PCSK6: variants seen among roughly 807,000 people sequenced by gnomAD.
PCSK6 encodes the protein proprotein convertase subtilisin/kexin type 6.
Under a neutral mutation model 123.3 loss-of-function variants are expected in PCSK6, and 85 were observed. The ratio of observed to expected loss-of-function variants is 0.69; its 90% CI spans 0.58 to 0.83. The LOEUF (loss-of-function observed/expected upper bound fraction) is 0.83. Among genes scored for constraint, PCSK6 ranks in the 40% least tolerant of loss-of-function variants. The probability of loss-of-function intolerance (pLI) is 0.00; values close to 1 mark genes in which losing one functional copy is unlikely to be tolerated. For missense variants in PCSK6, 1,191 were observed against 1,282.3 expected (o/e 0.93, Z 1.09); for synonymous variants, 508 against 516.0 (o/e 0.98, Z 0.21).
intron 1 of PCSK6, among the ~76,000 whole-genome samples, chr15:101,479,321 T>C (rs2057810149): frequency 6.6e-6 from 1 of 152,184 alleles, no homozygotes. Context: ...GTCCTGAATG[T>C]CAAAGGCCCG....
intron 13 of PCSK6, among the ~76,000 whole-genome samples, chr15:101,345,481 C>G (rs557406425): frequency 1.1e-4 from 17 of 152,056 alleles, no homozygotes; most frequent in African/African-American, 4.1e-4. Context: ...TATCAAAACT[C>G]TGGAGGGGAA....
chr15:101,343,894 C>G (rs963155539), intron 13 of PCSK6, among the ~76,000 whole-genome samples: 1 of 152,112 alleles, frequency 6.6e-6, no homozygotes, highest in African/African-American at 2.4e-5. Context: ...TCGAGACCAG[C>G]CTGGCCAACA....
At chr15:101,446,453 G>A (rs528274344) in intron 1 of PCSK6, among the ~76,000 whole-genome samples, 1 of 152,330 alleles carries the variant, frequency 6.6e-6, no homozygotes, top group East Asian at 1.9e-4. Flanking sequence ...ATGCTGCTGT[G>A]TACAAATATC....
chr15:101,433,679 A>G (rs1433356691), intron 2 of PCSK6, among the ~76,000 whole-genome samples: 1 of 152,248 alleles, frequency 6.6e-6, no homozygotes, highest in Admixed American at 6.5e-5. Context: ...GCTGGAAGCT[A>G]GAACAGAGCT....
intron 1 of PCSK6, among the ~76,000 whole-genome samples, chr15:101,489,138 G>A (rs1378346385): frequency 6.8e-6 from 1 of 146,208 alleles, no homozygotes; most frequent in East Asian, 2.0e-4. Context: ...GACCTGCGTG[G>A]GCGCCCACGC....
intron 15 of PCSK6, among the ~76,000 whole-genome samples, chr15:101,328,634 T>TC (rs2141366390): frequency 6.6e-6 from 1 of 152,224 alleles, no homozygotes; most frequent in East Asian, 1.9e-4. Context: ...TTCCTGGGTC[T>TC]CTCTGCAGTG....
chr15:101,323,301 G>A (rs2040173354), intron 17 of PCSK6, among the ~76,000 whole-genome samples: 1 of 152,236 alleles, frequency 6.6e-6, no homozygotes, highest in Admixed American at 6.5e-5. Context: ...GGTGAAGAAG[G>A]GCGGCCAACT....
At chr15:101,362,221 G>A (rs1231769335) in intron 13 of PCSK6, among the ~76,000 whole-genome samples, 1 of 152,150 alleles carries the variant, frequency 6.6e-6, no homozygotes, top group Middle Eastern at 3.2e-3. Flanking sequence ...CTCCCAAAGT[G>A]CTGGAATTAC....
intron 1 of PCSK6, among the ~76,000 whole-genome samples, chr15:101,450,267 G>A (rs1037220535): frequency 5.9e-5 from 9 of 151,622 alleles, no homozygotes; most frequent in Admixed American, 3.3e-4. Flanking sequence ...GAGAATACAC[G>A]ACCAGCCAGG....
chr15:101,479,579 C>A (rs762137641), intron 1 of PCSK6, among the ~76,000 whole-genome samples: 1 of 152,138 alleles, frequency 6.6e-6, no homozygotes, highest in Non-Finnish European at 1.5e-5. Flanking sequence ...GGGCTGTGGT[C>A]GGTGCATGCA....
intron 2 of PCSK6, among the ~76,000 whole-genome samples, chr15:101,438,129 C>T (rs562750785): frequency 1.3e-5 from 2 of 152,310 alleles, no homozygotes; most frequent in East Asian, 1.9e-4. Flanking sequence ...TGAGACAATA[C>T]GGTTCTGCGG....
chr15:101,439,733 C>T (rs565841028), intron 2 of PCSK6, among the ~76,000 whole-genome samples: 8 of 152,334 alleles, frequency 5.3e-5, no homozygotes, highest in Non-Finnish European at 7.3e-5. Flanking sequence ...GAAGGAAACC[C>T]GAGCTTTGAT....
rs532551449 is a variant in PCSK6, at chr15:101,387,664, G to A, written c.1310+1800C>T. Among the ~76,000 whole-genome samples the A allele has an allele frequency of 9.5e-4, 26 of 27,330 alleles. No homozygotes were observed. The South Asian group carries it at 0.025, about 26-fold the overall frequency. 17.9% of individuals were successfully genotyped at this position (27,330 alleles called of 152,430 possible). On this transcript the variant is annotated intron_variant, in intron 9 of 21. Coordinates refer to ENST00000611716, the MANE Select transcript of PCSK6 (RefSeq NM_002570.5). ...GACTCCCTTTAGAGAATTCCAACAC[G>A]TATGGGTTTTCCTTCATTCTGGCCC...
chr15:101,396,098 C>T (rs532710133), intron 7 of PCSK6, among the ~76,000 whole-genome samples: 6 of 152,200 alleles, frequency 3.9e-5, no homozygotes, highest in African/African-American at 1.2e-4. Context: ...AGTGACAGAT[C>T]GAGACAGTTG....
At chr15:101,310,995 C>T (rs540815331) in intron 20 of PCSK6, among the ~76,000 whole-genome samples, 5 of 152,100 alleles carry the variant, frequency 3.3e-5, no homozygotes, top group Admixed American at 3.3e-4. Flanking sequence ...GAGGTGGGGC[C>T]TGGTGGGAGG....
intron 2 of PCSK6, among the ~76,000 whole-genome samples, chr15:101,436,628 G>A (rs1020197776): frequency 2.0e-5 from 3 of 152,138 alleles, no homozygotes; most frequent in Admixed American, 6.5e-5. Context: ...TCAGGGCACC[G>A]TAGAAAATAA....
rs761374461 is a variant in PCSK6, at chr15:101,325,090, C to T, written c.2181-44G>A. 1.2e-5 allele frequency: 17 copies of T among 1,441,830 alleles called. No homozygotes were observed. In the South Asian group the frequency reaches 1.9e-4, roughly 16 times the overall value. 89.3% of individuals were successfully genotyped at this position (1,441,830 alleles called of 1,614,324 possible). Reference sequence around the variant, plus strand: ...GAGGGTGAGGGCCTTGCCAACCCAGCCCCAGCCCCAGGCCTGCCCCTTTGT... The same window carrying T: ...GAGGGTGAGGGCCTTGCCAACCCAGTCCCAGCCCCAGGCCTGCCCCTTTGT... On this transcript the variant is annotated intron_variant, in intron 16 of 21. Coordinates refer to ENST00000611716, the MANE Select transcript of PCSK6 (RefSeq NM_002570.5).
At chr15:101,331,172 C>T (rs1462197621) in intron 15 of PCSK6, among the ~76,000 whole-genome samples, 1 of 152,218 alleles carries the variant, frequency 6.6e-6, no homozygotes, top group Non-Finnish European at 1.5e-5. Flanking sequence ...GTGGTTTTGG[C>T]CGCCTTGTGG....
chr15:101,330,653 C>T (rs116848117), intron 15 of PCSK6, among the ~76,000 whole-genome samples: 98 of 152,346 alleles, frequency 6.4e-4, no homozygotes, highest in Non-Finnish European at 1.2e-3. Context: ...CCCCTCTCTC[C>T]ACCTAATCCC....
Sources: allele counts gnomAD v4.1 joint callset (sites outside exome capture counted in the v4.1 genomes callset), GRCh38; gene constraint gnomAD v4.1.1; transcripts MANE v1.5; gene names NCBI Gene and HGNC (gene_info 2026-07-23, HGNC 2026-07-21).